Variants in ST18 observed in about 807,000 individuals in gnomAD.
ST18 encodes the protein suppression of tumorigenicity 18 protein.
ST18 carries 50 observed loss-of-function variants against 110.0 expected under a neutral mutation model. The ratio of observed to expected loss-of-function variants is 0.45; its 90% CI spans 0.36 to 0.58. The LOEUF (loss-of-function observed/expected upper bound fraction) is 0.58. Ranked by LOEUF, ST18 falls within the 20% of genes least tolerant of loss-of-function variation. ST18 has a pLI of 0.00. For missense variants in ST18, 1,306 were observed against 1,280.1 expected (o/e 1.02, Z -0.31); for synonymous variants, 461 against 452.4 (o/e 1.02, Z -0.24).
intron 2 of ST18, chr8:52,404,827 G>C (rs1564669008): frequency 6.6e-6 from 1 of 152,170 alleles, no homozygotes; most frequent in Non-Finnish European, 1.5e-5. Context: ...AAGATAAACA[G>C]TAAAAATATC....
At chr8:52,157,844 C>T (rs565000278) in intron 15 of ST18, among the ~76,000 whole-genome samples, 71 of 152,372 alleles carry the variant, frequency 4.7e-4, no homozygotes, top group Non-Finnish European at 8.7e-4. Context: ...AGCAGCTGAC[C>T]ATGCCGGGGA....
chr8:52,135,719 T>TA (rs1446805585), intron 19 of ST18, among the ~76,000 whole-genome samples: 1 of 152,044 alleles, frequency 6.6e-6, no homozygotes, highest in Non-Finnish European at 1.5e-5. Context: ...TTCATAAACT[T>TA]AGTTTTTAAA....
Position 52,158,946 on chromosome 8 carries a change from C to T in ST18, c.1758G>A (p.Arg586=), listed in dbSNP as rs267601944. Residue 586 remains arginine, a synonymous_variant, in exon 15 of 26, where the codon AGG becomes AGA. Coordinates refer to ENST00000689386, the MANE Select transcript of ST18 (RefSeq NM_001352837.2). The part of the protein sequence containing the change: ...AAILNLSTRC[R]EATDILSNKP... ...TGTTGGAGAGGATGTCTGTGGCTTC[C>T]CTGCAGCGGGTGGAAAGGTTCAGGA... 3 of 1,614,006 alleles carry T rather than the reference C, an allele frequency of 1.9e-6. No individual in the cohort carries two copies. In the East Asian group the frequency reaches 6.7e-5, roughly 36 times the overall value.
intron 9 of ST18, among the ~76,000 whole-genome samples, chr8:52,175,336 A>T (rs954898209): frequency 6.6e-6 from 1 of 152,184 alleles, no homozygotes; most frequent in Non-Finnish European, 1.5e-5. Flanking sequence ...AATTACTAAC[A>T]TTGACCCCCA....
At chr8:52,248,439 C>A (rs1176185410) in intron 2 of ST18, 1 of 152,138 alleles carries the variant, frequency 6.6e-6, no homozygotes, top group Non-Finnish European at 1.5e-5. Context: ...ACTGACAACC[C>A]ACTTAGCGGA....
chr8:52,382,699 A>T (rs1210342921), intron 2 of ST18, among the ~76,000 whole-genome samples: 1 of 152,190 alleles, frequency 6.6e-6, no homozygotes, highest in Non-Finnish European at 1.5e-5. Flanking sequence ...AGTCACTGTG[A>T]ATCAATGAGA....
At chr8:52,278,508 T>A (rs184809038) in intron 2 of ST18, among the ~76,000 whole-genome samples, 35 of 152,316 alleles carry the variant, frequency 2.3e-4, no homozygotes, top group Admixed American at 1.5e-3. Context: ...AGATAAAGCC[T>A]AAAGCTATTC....
chr8:52,334,936 T>C (rs569618782), intron 2 of ST18, among the ~76,000 whole-genome samples: 2 of 152,290 alleles, frequency 1.3e-5, no homozygotes, highest in South Asian at 4.1e-4. Flanking sequence ...TCCCTTTTCT[T>C]GTCTCAAAAG....
intron 2 of ST18, among the ~76,000 whole-genome samples, chr8:52,273,070 C>T (rs1372715089): frequency 6.6e-6 from 1 of 152,006 alleles, no homozygotes; most frequent in Non-Finnish European, 1.5e-5. Context: ...TTCAACACAA[C>T]AATTATTTTA....
At chr8:52,285,971 C>T (rs933704186) in intron 2 of ST18, among the ~76,000 whole-genome samples, 2 of 151,768 alleles carry the variant, frequency 1.3e-5, no homozygotes, top group Non-Finnish European at 2.9e-5. Context: ...CTACAACACC[C>T]ACTGCTACTG....
chr8:52,241,562 C>T (rs1321294643), intron 2 of ST18, among the ~76,000 whole-genome samples: 3 of 152,206 alleles, frequency 2.0e-5, no homozygotes, highest in Non-Finnish European at 4.4e-5. Flanking sequence ...CTACATATCA[C>T]TTTCTTCTAC....
intron 9 of ST18, among the ~76,000 whole-genome samples, chr8:52,176,718 C>T (rs1400544237): frequency 2.6e-5 from 4 of 152,178 alleles, no homozygotes; most frequent in South Asian, 2.1e-4. Context: ...TAATGAATCC[C>T]GGCATAGATG....
At chr8:52,153,709 G>T (rs1470183401) in intron 15 of ST18, among the ~76,000 whole-genome samples, 1 of 152,226 alleles carries the variant, frequency 6.6e-6, no homozygotes, top group Non-Finnish European at 1.5e-5. Context: ...TTGGCCAGCA[G>T]CTTAGCTACT....
chr8:52,349,369 T>C (rs1819226333), intron 2 of ST18, among the ~76,000 whole-genome samples: 1 of 152,178 alleles, frequency 6.6e-6, no homozygotes. Context: ...TTTTAAGTTT[T>C]TGTTTCTCCC....
chr8:52,263,220 G>A (rs1279717532), intron 2 of ST18, among the ~76,000 whole-genome samples: 1 of 152,210 alleles, frequency 6.6e-6, no homozygotes, highest in Non-Finnish European at 1.5e-5. Context: ...TGTACAGAGA[G>A]GGTGTGGTTG....
intron 9 of ST18, among the ~76,000 whole-genome samples, chr8:52,178,669 C>CAA (rs199826169): frequency 1.9e-4 from 9 of 47,934 alleles, no homozygotes; most frequent in African/African-American, 6.1e-4. Context: ...ATAAAACAAA[C>CAA]AAAAAAAACC....
chr8:52,132,063 C>T lies in ST18; in HGVS notation c.2561G>A (p.Gly854Glu), dbSNP rs1419480534. The stretch of plus-strand genomic sequence containing the variant: ...GTTCAGTTTCCAGGAGAGGGAGGCT[C>T]CATTGAGAGGATTCTCCTTCTGTCT... ...AKRQKENPLN[G>E]ASLSWKLNKQ... The change falls in exon 22 of 26, where the codon GGA (glycine) becomes GAA (glutamate). Residue 854 changes from glycine to glutamate, a missense_variant. Transcript: ENST00000689386. 8 of 1,614,160 alleles carry T rather than the reference C, an allele frequency of 5.0e-6. No homozygotes were observed. The highest frequency in any genetic ancestry group is 6.8e-6 in the Non-Finnish European group (8 of 1,180,028).
At chr8:52,256,635 G>T in intron 2 of ST18, among the ~76,000 whole-genome samples, 1 of 152,166 alleles carries the variant, frequency 6.6e-6, no homozygotes, top group South Asian at 2.1e-4. Flanking sequence ...ACCAATACAT[G>T]AGGCAAATGT....
At chr8:52,152,714 G>C (rs988464310) in intron 15 of ST18, among the ~76,000 whole-genome samples, 1 of 152,060 alleles carries the variant, frequency 6.6e-6, no homozygotes, top group Non-Finnish European at 1.5e-5. Context: ...TTTTAGTGAA[G>C]GTAATTTTAT....
Sources: allele counts gnomAD v4.1 joint callset (sites outside exome capture counted in the v4.1 genomes callset), GRCh38; gene constraint gnomAD v4.1.1; transcripts MANE v1.5; gene names NCBI Gene and HGNC (gene_info 2026-07-23, HGNC 2026-07-21).